Variants in SLC23A2 observed in about 807,000 individuals in gnomAD.
SLC23A2 encodes the protein solute carrier family 23 member 2.
A neutral mutation model predicts 73.3 loss-of-function variants in SLC23A2; 36 were observed. The observed-to-expected ratio is 0.49, with a 90% confidence interval of 0.38 to 0.65. The LOEUF is 0.65. Among genes scored for constraint, SLC23A2 ranks in the 30% least tolerant of loss-of-function variants. SLC23A2 has a pLI of 0.00. For missense variants in SLC23A2, 507 were observed against 841.6 expected, an observed-to-expected ratio of 0.60 and a Z score of 4.92; for synonymous variants, 343 against 327.3, an observed-to-expected ratio of 1.05 and a Z score of -0.52.
intron 6 of SLC23A2, among the ~76,000 whole-genome samples, chr20:4,894,890 A>G (rs749280401): frequency 2.0e-5 from 3 of 152,200 alleles, no homozygotes; most frequent in Non-Finnish European, 2.9e-5. Flanking sequence ...TCAGATCAAG[A>G]GCCCATGTGA....
intron 3 of SLC23A2, among the ~76,000 whole-genome samples, chr20:4,915,189 C>T (rs576995598): frequency 6.6e-6 from 1 of 152,230 alleles, no homozygotes; most frequent in Admixed American, 6.5e-5. Context: ...GAAAAGCATA[C>T]AGGAAAATCA....
chr20:4,961,773 AT>A (rs1399431271), intron 2 of SLC23A2, among the ~76,000 whole-genome samples: 1 of 152,184 alleles, frequency 6.6e-6, no homozygotes, highest in Non-Finnish European at 1.5e-5. Context: ...CTTCTAAAAT[AT>A]TGTCTTTTAT....
intron 4 of SLC23A2, among the ~76,000 whole-genome samples, chr20:4,910,236 G>A (rs1467013144): frequency 6.6e-6 from 1 of 152,062 alleles, no homozygotes; most frequent in Admixed American, 6.5e-5. Flanking sequence ...AATTAGCCTG[G>A]TATGATGGCG....
intron 15 of SLC23A2, 119 bp from the exon 16 acceptor site, chr20:4,859,503 G>A: frequency 1.4e-6 from 1 of 728,946 alleles, no homozygotes; most frequent in South Asian, 1.5e-5. Context: ...AAAGGAAAGT[G>A]TACATTTCTT....
intron 6 of SLC23A2, 89 bp from the exon 7 acceptor site, chr20:4,885,998 G>A (rs750454101): frequency 4.7e-5 from 36 of 763,666 alleles, no homozygotes; most frequent in Non-Finnish European, 7.4e-5. Flanking sequence ...CTTTTCCATA[G>A]ACATACAGCA....
chr20:4,996,081 C>T (rs1357196991), intron 1 of SLC23A2, among the ~76,000 whole-genome samples: 1 of 152,164 alleles, frequency 6.6e-6, no homozygotes, highest in Non-Finnish European at 1.5e-5. Context: ...CTGCCAGTTG[C>T]TAGGACTAGC....
At chr20:4,921,963 A>C (rs1315170340) in intron 3 of SLC23A2, among the ~76,000 whole-genome samples, 4 of 152,200 alleles carry the variant, frequency 2.6e-5, no homozygotes, top group Non-Finnish European at 4.4e-5. Flanking sequence ...AGGGTGGGGA[A>C]TGTGACAACT....
At chr20:4,981,953 G>A (rs150973227) in intron 1 of SLC23A2, among the ~76,000 whole-genome samples, 2,645 of 151,910 alleles carry the variant, frequency 0.017, 67 homozygotes, top group African/African-American at 0.054. Context: ...TGCCCACCTC[G>A]GCCTCCCAAA....
rs546943404 is a variant in SLC23A2, at chr20:4,936,849, T to C, written c.-154-4133A>G. ...ACTTCACCCACCTCTTCCAGAGTAG[T>C]GCCTGGAGTATCCTGAAGCCTTAGA... On this transcript the variant is annotated intron_variant, in intron 2 of 16. Coordinates refer to ENST00000338244, the MANE Select transcript of SLC23A2 (RefSeq NM_005116.6). 3.9e-5 allele frequency among the ~76,000 whole-genome samples: 6 copies of C among 152,248 alleles called. No individual in the cohort carries two copies. In the East Asian group the frequency reaches 7.7e-4, roughly 20 times the overall value.
At chr20:4,955,642 T>A (rs2087275308) in intron 2 of SLC23A2, among the ~76,000 whole-genome samples, 1 of 151,858 alleles carries the variant, frequency 6.6e-6, no homozygotes, top group African/African-American at 2.4e-5. Context: ...TACAAAAAAA[T>A]TAGCCGGGTA....
chr20:4,888,148 C>A (rs549888304), intron 6 of SLC23A2, among the ~76,000 whole-genome samples: 2 of 152,334 alleles, frequency 1.3e-5, no homozygotes, highest in South Asian at 4.1e-4. Flanking sequence ...AAAGGAAATA[C>A]ATTAAACTGT....
intron 4 of SLC23A2, among the ~76,000 whole-genome samples, chr20:4,908,347 A>G (rs1429941448): frequency 6.6e-6 from 1 of 152,234 alleles, no homozygotes; most frequent in Admixed American, 6.5e-5. Context: ...TCTACAAAGT[A>G]AACTGGCTTG....
At chr20:4,986,649 TAC>T (rs55738084) in intron 1 of SLC23A2, among the ~76,000 whole-genome samples, 16,691 of 129,694 alleles carry the variant, frequency 0.13, 962 homozygotes, top group Non-Finnish European at 0.15. Flanking sequence ...CATACACACA[TAC>T]ACACACACAC....
intron 1 of SLC23A2, among the ~76,000 whole-genome samples, chr20:4,976,924 C>T (rs1464835805): frequency 3.3e-5 from 5 of 151,756 alleles, no homozygotes; most frequent in Non-Finnish European, 1.5e-5. Context: ...TGCAGTGAGC[C>T]AAGATCACAC....
intron 13 of SLC23A2, among the ~76,000 whole-genome samples, chr20:4,864,933 T>C (rs1930132108): frequency 6.6e-6 from 1 of 152,222 alleles, no homozygotes; most frequent in South Asian, 2.1e-4. Context: ...CAAAGTGACA[T>C]CCAGAAGACT....
rs78530597 is a variant in SLC23A2 at position 5,000,708 on chromosome 20, G to A, written c.-282+698C>T. Reference sequence around the variant, plus strand: ...CCTATCAGCCACCCATCCAAGGGGGGGCATCTAGGACCAAACGAAGGAGAA... The same window carrying A: ...CCTATCAGCCACCCATCCAAGGGGGAGCATCTAGGACCAAACGAAGGAGAA... On this transcript the variant is annotated intron_variant, in intron 1 of 16. Transcript: ENST00000338244. Among the ~76,000 whole-genome samples the A allele has an allele frequency of 6.2e-3, 936 of 152,184 alleles. 8 individuals carry two copies. Among genetic ancestry groups the A allele is most frequent in the African/African-American group, 0.021 (875 of 41,528 alleles).
intron 2 of SLC23A2, among the ~76,000 whole-genome samples, chr20:4,939,582 T>G (rs1243938652): frequency 6.6e-6 from 1 of 152,220 alleles, no homozygotes; most frequent in East Asian, 1.9e-4. Flanking sequence ...TATCAGCAGC[T>G]AGCTAGCCAC....
chr20:4,943,857 G>A (rs923206681), intron 2 of SLC23A2, among the ~76,000 whole-genome samples: 17 of 152,158 alleles, frequency 1.1e-4, no homozygotes, highest in East Asian at 1.9e-4. Flanking sequence ...ACCAGAGAGC[G>A]TCTGCTGACG....
At chr20:4,931,281 G>A (rs530772393) in intron 3 of SLC23A2, among the ~76,000 whole-genome samples, 1 of 152,050 alleles carries the variant, frequency 6.6e-6, no homozygotes, top group African/African-American at 2.4e-5. Context: ...GGAGGTCAAG[G>A]CTACAGTGAG....
Sources: allele counts gnomAD v4.1 joint callset (sites outside exome capture counted in the v4.1 genomes callset), GRCh38; gene constraint gnomAD v4.1.1; transcripts MANE v1.5; gene names NCBI Gene and HGNC (gene_info 2026-07-23, HGNC 2026-07-21).